Variants in SGCZ observed in about 807,000 individuals in gnomAD.
SGCZ encodes the protein zeta-sarcoglycan.
Under a neutral mutation model 41.3 loss-of-function variants are expected in SGCZ, and 40 were observed. The ratio of observed to expected loss-of-function variants is 0.97; its 90% CI spans 0.75 to 1.26. The LOEUF is 1.26. Ranked by LOEUF, SGCZ falls within the 50% of genes most tolerant of loss-of-function variation. The probability of loss-of-function intolerance (pLI) is 0.00; values close to 1 mark genes in which losing one functional copy is unlikely to be tolerated. For missense variants in SGCZ, 552 were observed against 369.8 expected (o/e 1.49, Z -4.04); for synonymous variants, 206 against 137.5 (o/e 1.50, Z -3.49).
chr8:14,639,120 C>G (rs1276920257), intron 1 of SGCZ, among the ~76,000 whole-genome samples: 1 of 147,864 alleles, frequency 6.8e-6, no homozygotes. Flanking sequence ...ACTCTTGGCT[C>G]ACTGTAACCT....
intron 1 of SGCZ, among the ~76,000 whole-genome samples, chr8:14,605,750 C>A (rs1805728944): frequency 6.6e-6 from 1 of 152,050 alleles, no homozygotes; most frequent in South Asian, 2.1e-4. Flanking sequence ...TCATTAGAAA[C>A]TGTGTAATGT....
chr8:14,361,498 C>T (rs1267767174), intron 2 of SGCZ, among the ~76,000 whole-genome samples: 1 of 152,176 alleles, frequency 6.6e-6, no homozygotes, highest in East Asian at 1.9e-4. Context: ...GTATGCTTCA[C>T]AAAGTTCTCA....
intron 1 of SGCZ, among the ~76,000 whole-genome samples, chr8:15,191,754 T>C (rs573302494): frequency 6.6e-6 from 1 of 152,110 alleles, no homozygotes; most frequent in African/African-American, 2.4e-5. Context: ...GTTGAAAAAA[T>C]ACTGATATAT....
At chr8:15,035,853 C>T (rs978233781) in intron 1 of SGCZ, among the ~76,000 whole-genome samples, 3 of 151,798 alleles carry the variant, frequency 2.0e-5, no homozygotes, top group Non-Finnish European at 4.4e-5. Flanking sequence ...TTAATAGCTC[C>T]AAAGAGAGGG....
chr8:14,522,587 T>C (rs2117103664), intron 2 of SGCZ, among the ~76,000 whole-genome samples: 1 of 152,048 alleles, frequency 6.6e-6, no homozygotes, highest in Admixed American at 6.6e-5. Context: ...TTCCTTATAT[T>C]GGAAACTTGT....
intron 1 of SGCZ, among the ~76,000 whole-genome samples, chr8:14,907,066 C>T (rs574139008): frequency 1.3e-5 from 2 of 152,248 alleles, no homozygotes; most frequent in African/African-American, 4.8e-5. Flanking sequence ...AAGCATGGTG[C>T]TAGTTTTATG....
intron 2 of SGCZ, among the ~76,000 whole-genome samples, chr8:14,366,025 A>G (rs1585411352): frequency 6.6e-6 from 1 of 152,006 alleles, no homozygotes; most frequent in East Asian, 1.9e-4. Context: ...TTGAAATTTG[A>G]TAAACTTTGT....
chr8:14,270,503 G>T (rs760638975), intron 3 of SGCZ, among the ~76,000 whole-genome samples: 6 of 152,050 alleles, frequency 3.9e-5, no homozygotes, highest in Admixed American at 2.0e-4. Context: ...CATGGCCCAA[G>T]CTTCAGGCTA....
chr8:14,417,621 T>A (rs1461807191), intron 2 of SGCZ, among the ~76,000 whole-genome samples: 1 of 151,838 alleles, frequency 6.6e-6, no homozygotes, highest in African/African-American at 2.4e-5. Context: ...ATTTACAATA[T>A]TTTGAATAAA....
intron 2 of SGCZ, among the ~76,000 whole-genome samples, chr8:14,382,443 C>T (rs1804403374): frequency 6.6e-6 from 1 of 151,840 alleles, no homozygotes; most frequent in Non-Finnish European, 1.5e-5. Flanking sequence ...TACCATATCA[C>T]AGAACATAGA....
At chr8:14,827,176 C>T (rs1802358892) in intron 1 of SGCZ, among the ~76,000 whole-genome samples, 2 of 146,298 alleles carry the variant, frequency 1.4e-5, no homozygotes, top group Non-Finnish European at 3.0e-5. Context: ...AAAAAAAAAA[C>T]AGACTCCAAT....
chr8:14,331,380 T>C (rs1012038862), intron 2 of SGCZ, among the ~76,000 whole-genome samples: 2 of 152,112 alleles, frequency 1.3e-5, no homozygotes, highest in Non-Finnish European at 2.9e-5. Flanking sequence ...TTATGCTGTG[T>C]TTTTTAATAC....
intron 2 of SGCZ, among the ~76,000 whole-genome samples, chr8:14,378,673 G>A (rs945661603): frequency 6.6e-6 from 1 of 152,266 alleles, no homozygotes; most frequent in Admixed American, 6.5e-5. Flanking sequence ...GGTAGCCTAG[G>A]ATTTGCGATT....
intron 2 of SGCZ, among the ~76,000 whole-genome samples, chr8:14,486,458 C>T (rs1475607873): frequency 2.0e-5 from 3 of 152,160 alleles, no homozygotes; most frequent in Non-Finnish European, 4.4e-5. Flanking sequence ...CTGGCTGTCT[C>T]CTAAGTAATA....
chr8:14,722,323 G>A (rs1328298622), intron 1 of SGCZ, among the ~76,000 whole-genome samples: 5 of 151,866 alleles, frequency 3.3e-5, no homozygotes, highest in Admixed American at 6.6e-5. Context: ...TATTGTCTTC[G>A]GTAGGAACAC....
chr8:14,841,312 C>T (rs1802901565), intron 1 of SGCZ, among the ~76,000 whole-genome samples: 1 of 151,900 alleles, frequency 6.6e-6, no homozygotes, highest in Non-Finnish European at 1.5e-5. Context: ...CTCAGGCTAA[C>T]CTAACATAAG....
At chr8:15,060,384 C>A (rs933357628) in intron 1 of SGCZ, among the ~76,000 whole-genome samples, 1 of 151,800 alleles carries the variant, frequency 6.6e-6, no homozygotes, top group Non-Finnish European at 1.5e-5. Flanking sequence ...ATGGATGAAG[C>A]TGGAAACCAT....
At chr8:14,811,279 T>C (rs2130537710) in intron 1 of SGCZ, among the ~76,000 whole-genome samples, 1 of 152,088 alleles carries the variant, frequency 6.6e-6, no homozygotes, top group East Asian at 1.9e-4. Context: ...ACAATAAAAA[T>C]TTATTCCAAT....
At chr8:14,277,402 C>T (rs1166326891) in intron 3 of SGCZ, among the ~76,000 whole-genome samples, 1 of 150,260 alleles carries the variant, frequency 6.7e-6, no homozygotes, top group Non-Finnish European at 1.5e-5. Flanking sequence ...ATTTTTACAA[C>T]TCTACTCAGA....
Sources: allele counts gnomAD v4.1 joint callset (sites outside exome capture counted in the v4.1 genomes callset), GRCh38; gene constraint gnomAD v4.1.1; transcripts MANE v1.5; gene names NCBI Gene and HGNC (gene_info 2026-07-23, HGNC 2026-07-21).